Variants in OR8B2 observed in about 807,000 individuals in gnomAD.
OR8B2 encodes the protein olfactory receptor 8B2.
For missense variants in OR8B2, 304 were observed against 379.6 expected, an observed-to-expected ratio of 0.80 and a Z score of 1.65; for synonymous variants, 98 against 138.2, an observed-to-expected ratio of 0.71 and a Z score of 2.04.
intron 1 of OR8B2, among the ~76,000 whole-genome samples, chr11:124,383,921 T>C (rs1860651723): frequency 6.6e-6 from 1 of 152,158 alleles, no homozygotes; most frequent in Non-Finnish European, 1.5e-5. Context: ...ATCACATAAG[T>C]GTTTCTACAC....
the OR8B2 span, chr11:124,396,493 G>A: frequency 6.2e-7 from 1 of 1,614,112 alleles, no homozygotes; most frequent in Non-Finnish European, 8.5e-7. Flanking sequence ...CTGTAGATGA[G>A]AGGATTGAGC....
At chr11:124,387,845 T>C (rs980818822), upstream of OR8B2, among the ~76,000 whole-genome samples, 2 of 151,168 alleles carry the variant, frequency 1.3e-5, no homozygotes, top group African/African-American at 2.4e-5. Flanking sequence ...TAAATCACCT[T>C]GGGCAGTATG....
the OR8B2 span, chr11:124,396,866 G>C: frequency 6.2e-7 from 1 of 1,608,288 alleles, no homozygotes; most frequent in Non-Finnish European, 8.5e-7. Context: ...GTCTAAGCAT[G>C]CACCCGGTGT....
At chr11:124,390,857 C>T in the OR8B2 span, among the ~76,000 whole-genome samples, 3,681 of 151,710 alleles carry the variant, frequency 0.024, 169 homozygotes, top group African/African-American at 0.085. Flanking sequence ...TCTAGAAGAT[C>T]CATAGTTTAA....
At chr11:124,396,726 A>G in the OR8B2 span, 4 of 1,613,852 alleles carry the variant, frequency 2.5e-6, no homozygotes, top group African/African-American at 4.0e-5. Context: ...ACAACTGGGT[A>G]CCATGATATT....
the OR8B2 span, chr11:124,396,986 G>A: frequency 2.7e-5 from 43 of 1,613,630 alleles, no homozygotes; most frequent in African/African-American, 5.1e-4. Context: ...TGGCCACATA[G>A]CGATCATATG....
At chr11:124,396,473 G>T in the OR8B2 span, 21 of 1,613,694 alleles carry the variant, frequency 1.3e-5, no homozygotes, top group Non-Finnish European at 1.8e-5. Flanking sequence ...TGACATCCTT[G>T]TTCCTCAAAC....
At chr11:124,385,368 C>T (rs966301288), upstream of OR8B2, among the ~76,000 whole-genome samples, 71 of 152,202 alleles carry the variant, frequency 4.7e-4, no homozygotes, top group African/African-American at 1.5e-3. Flanking sequence ...CCCTTGGACA[C>T]TTCACCCAGC....
At chr11:124,385,927 C>T (rs561471156), upstream of OR8B2, among the ~76,000 whole-genome samples, 1 of 152,086 alleles carries the variant, frequency 6.6e-6, no homozygotes. Context: ...AACCACCATG[C>T]CTGGCCTCTA....
the OR8B2 span, among the ~76,000 whole-genome samples, chr11:124,394,329 G>A: frequency 1.4e-4 from 22 of 151,772 alleles, no homozygotes; most frequent in African/African-American, 5.1e-4. Flanking sequence ...GTCATTTAGG[G>A]TCCCCTTAGA....
chr11:124,386,963 G>A (rs1375972699), upstream of OR8B2, among the ~76,000 whole-genome samples: 2 of 152,390 alleles, frequency 1.3e-5, no homozygotes, highest in African/African-American at 4.8e-5. Flanking sequence ...ACTGGTGTGA[G>A]ATGGTATCTC....
the OR8B2 span, among the ~76,000 whole-genome samples, chr11:124,392,348 G>T: frequency 8.0e-6 from 1 of 125,148 alleles, no homozygotes; most frequent in Admixed American, 8.1e-5. Flanking sequence ...TGACATGATT[G>T]TATATCTAGA....
chr11:124,385,958 T>C (rs1860693630), upstream of OR8B2, among the ~76,000 whole-genome samples: 1 of 152,098 alleles, frequency 6.6e-6, no homozygotes, highest in Non-Finnish European at 1.5e-5. Context: ...AAACAGACTT[T>C]TAAGCATTCC....
the OR8B2 span, among the ~76,000 whole-genome samples, chr11:124,392,354 C>A: frequency 2.5e-3 from 305 of 123,594 alleles, no homozygotes; most frequent in African/African-American, 0.01. Context: ...GATTGTATAT[C>A]TAGAAAACCC....
chr11:124,393,406 A>T, the OR8B2 span, among the ~76,000 whole-genome samples: 1 of 148,720 alleles, frequency 6.7e-6, no homozygotes, highest in Non-Finnish European at 1.5e-5. Context: ...GAACTCAAAC[A>T]AATTTACAAG....
the OR8B2 span, among the ~76,000 whole-genome samples, chr11:124,391,413 T>C: frequency 5.4e-4 from 81 of 150,970 alleles, no homozygotes; most frequent in African/African-American, 1.7e-3. Context: ...ATAGATGCAA[T>C]AAAAAATGAT....
chr11:124,386,226 AT>A (rs1369450016), upstream of OR8B2, among the ~76,000 whole-genome samples: 4 of 145,002 alleles, frequency 2.8e-5, no homozygotes, highest in African/African-American at 1.0e-4. Context: ...ATATTTATTT[AT>A]TTTTTTCCCT....
At chr11:124,396,603 A>C in the OR8B2 span, 1 of 1,612,756 alleles carries the variant, frequency 6.2e-7, no homozygotes, top group Non-Finnish European at 8.5e-7. Context: ...CCCAAAAAAC[A>C]GAGACAGAGC....
At chr11:124,385,549 G>T (rs1860685754), upstream of OR8B2, among the ~76,000 whole-genome samples, 1 of 151,080 alleles carries the variant, frequency 6.6e-6, no homozygotes, top group South Asian at 2.1e-4. Flanking sequence ...GATCTATGCA[G>T]TTGAATCCTA....
Sources: gnomAD v4.1 joint callset for allele counts (sites outside exome capture counted in the v4.1 genomes callset) on GRCh38, gnomAD v4.1.1 for gene constraint, MANE v1.5 for transcripts, NCBI Gene and HGNC (gene_info 2026-07-23, HGNC 2026-07-21) for gene names.